The following RICTOR variants were observed in gnomAD, a reference collection of about 807,000 sequenced individuals.
The protein encoded by RICTOR is rapamycin-insensitive companion of mTOR.
A neutral mutation model predicts 214.9 loss-of-function variants in RICTOR; 49 were observed. That is an observed-to-expected ratio of 0.23 (90% confidence interval 0.18 to 0.29). The LOEUF (loss-of-function observed/expected upper bound fraction) is 0.29, where lower values mean the gene tolerates loss of function less well. RICTOR is among the 10% of genes least tolerant of loss of function. The pLI is 1.00. For synonymous variants in RICTOR, 717 were observed against 711.3 expected, an observed-to-expected ratio of 1.01 and a Z score of -0.13; for missense variants, 1,625 against 2,047.0, an observed-to-expected ratio of 0.79 and a Z score of 3.98.
intron 2 of RICTOR, among the ~76,000 whole-genome samples, chr5:39,060,808 A>G (rs1758492014): frequency 6.6e-6 from 1 of 152,008 alleles, no homozygotes. Context: ...TATCTTATAC[A>G]TGATGCTGTC....
At chr5:38,978,525 A>T in intron 9 of RICTOR, 58 bp downstream of exon 9, 2 of 772,244 alleles carry the variant, frequency 2.6e-6, no homozygotes, top group Non-Finnish European at 4.1e-6. Flanking sequence ...CAAACCTAAA[A>T]GCTTTAGTAT....
intron 2 of RICTOR, among the ~76,000 whole-genome samples, chr5:39,039,158 G>A (rs1389801455): frequency 2.6e-5 from 4 of 152,084 alleles, no homozygotes; most frequent in Non-Finnish European, 4.4e-5. Context: ...CAGAAATAAT[G>A]CCACATATCT....
chr5:38,953,591 A>G (rs771461811), intron 27 of RICTOR, 38 bp from the exon 28 acceptor site: 1 of 654,688 alleles, frequency 1.5e-6, no homozygotes. Flanking sequence ...GTAATAATAT[A>G]TTTATGTATT....
At chr5:39,049,057 G>T (rs1454030798) in intron 2 of RICTOR, among the ~76,000 whole-genome samples, 2 of 152,074 alleles carry the variant, frequency 1.3e-5, no homozygotes, top group Non-Finnish European at 2.9e-5. Flanking sequence ...ATGTACTCTT[G>T]CATGGTTAAG....
chr5:39,029,070 T>C lies in RICTOR; in HGVS notation c.98-7934A>G, dbSNP rs557695465. 2.4e-4 allele frequency among the ~76,000 whole-genome samples: 36 copies of C among 152,186 alleles called. No homozygotes were observed. The South Asian group carries it at 6.2e-3, about 26-fold the overall frequency. Reference sequence around the variant, plus strand: ...GTAATCTATGATGATAGAAATCAGATAGTGATTGCTGGAAGATAAAGTAAC... The same window carrying C: ...GTAATCTATGATGATAGAAATCAGACAGTGATTGCTGGAAGATAAAGTAAC... On this transcript the variant is annotated intron_variant, in intron 2 of 37. Coordinates refer to ENST00000357387, the MANE Select transcript of RICTOR (RefSeq NM_152756.5).
chr5:39,019,079 C>T (rs903320548), intron 3 of RICTOR, among the ~76,000 whole-genome samples: 10 of 152,066 alleles, frequency 6.6e-5, no homozygotes, highest in Admixed American at 6.6e-5. Flanking sequence ...AGCAAGACCC[C>T]AACTCTCTTA....
At chr5:39,036,011 C>T (rs377235831) in intron 2 of RICTOR, among the ~76,000 whole-genome samples, 1 of 152,142 alleles carries the variant, frequency 6.6e-6, no homozygotes, top group Admixed American at 6.6e-5. Flanking sequence ...AGACACGTAA[C>T]TGTCAGATTC....
chr5:39,036,582 C>T (rs997457103), intron 2 of RICTOR, among the ~76,000 whole-genome samples: 18 of 152,184 alleles, frequency 1.2e-4, no homozygotes, highest in African/African-American at 4.3e-4. Flanking sequence ...ATCTCACGTG[C>T]AGAGACACAC....
intron 6 of RICTOR, among the ~76,000 whole-genome samples, chr5:38,993,612 C>T (rs1752946159): frequency 6.6e-6 from 1 of 151,886 alleles, no homozygotes; most frequent in African/African-American, 2.4e-5. Flanking sequence ...AATGTTTTTC[C>T]TTATCCTTTA....
chr5:38,947,654 C>T (rs1168406849), intron 31 of RICTOR, among the ~76,000 whole-genome samples: 1 of 151,866 alleles, frequency 6.6e-6, no homozygotes, highest in East Asian at 1.9e-4. Context: ...TTGACTGTTA[C>T]CAAAAACAAC....
intron 3 of RICTOR, among the ~76,000 whole-genome samples, chr5:39,008,557 G>C (rs747306094): frequency 6.6e-6 from 1 of 152,014 alleles, no homozygotes; most frequent in Non-Finnish European, 1.5e-5. Flanking sequence ...TTGGGGGTTA[G>C]GGGAAGTAAA....
chr5:38,964,818 G>T lies in RICTOR; in HGVS notation c.1374C>A (p.Ser458=). 6.3e-7 allele frequency: 1 copy of T among 1,598,354 alleles called. No homozygotes were observed. The highest frequency in any genetic ancestry group is 1.1e-5 in the South Asian group (1 of 89,810). Reference sequence around the variant, plus strand: ...GTCTCTTTTCCTTGGGGATATCAAAGGATGCAGCCATATTCATTAGGGTTG... The same window carrying T: ...GTCTCTTTTCCTTGGGGATATCAAATGATGCAGCCATATTCATTAGGGTTG... ...CLPTLMNMAA[S]FDIPKEKRLR... is the part of the protein sequence containing the mutation. Residue 458 remains serine (S), a synonymous_variant, in exon 16 of 38, where the codon TCC becomes TCA. Coordinates refer to ENST00000357387, the MANE Select transcript of RICTOR (RefSeq NM_152756.5).
intron 27 of RICTOR, 35 bp downstream of exon 27, chr5:38,954,739 T>C: frequency 8.1e-7 from 1 of 1,228,082 alleles, no homozygotes; most frequent in Non-Finnish European, 1.2e-6. Flanking sequence ...TTTTTACTAT[T>C]GTAGCTACTT....
Position 38,959,197 on chromosome 5 carries a change from C to G in RICTOR, c.2176G>C (p.Asp726His). 5.7e-6 allele frequency: 9 copies of G among 1,587,708 alleles called. No homozygotes were observed. Among genetic ancestry groups the G allele is most frequent in the Non-Finnish European group, 7.7e-6 (9 of 1,167,570 alleles). The change falls in exon 22 of 38, where the codon GAT becomes CAT. Residue 726 changes from aspartate (D) to histidine (H), a missense_variant and splice_region_variant. By Grantham distance (81) the Asp-to-His change is moderately conservative. Transcript: ENST00000357387. ...ILSKILTAAT[D>H]ACRLYATKHL... ...TTTACTGGCTATGTTATACTCACAT[C>G]AGTAGCTGCAGTTAAAATTTTGGAA...
intron 3 of RICTOR, among the ~76,000 whole-genome samples, chr5:39,020,412 T>TAC (rs1755324783): frequency 6.6e-6 from 1 of 152,174 alleles, no homozygotes; most frequent in Non-Finnish European, 1.5e-5. Context: ...CAGCAACCAC[T>TAC]ACTCTGATAA....
chr5:38,965,455 A>G (rs746270867), intron 15 of RICTOR, among the ~76,000 whole-genome samples: 20 of 152,054 alleles, frequency 1.3e-4, no homozygotes, highest in Middle Eastern at 6.3e-3. Context: ...AGAAAATGTA[A>G]GAATAATAAG....
intron 11 of RICTOR, among the ~76,000 whole-genome samples, chr5:38,968,631 G>A (rs886695980): frequency 9.2e-5 from 14 of 151,742 alleles, no homozygotes; most frequent in Non-Finnish European, 8.8e-5. Context: ...CTAGCTACTC[G>A]GGAGGCTGGG....
At chr5:39,050,431 G>A (rs942274767) in intron 2 of RICTOR, among the ~76,000 whole-genome samples, 8 of 151,912 alleles carry the variant, frequency 5.3e-5, no homozygotes, top group African/African-American at 1.7e-4. Flanking sequence ...CCACCTCCTG[G>A]GTTCAAGCAA....
chr5:38,961,945 G>A (rs999753366), intron 19 of RICTOR, among the ~76,000 whole-genome samples: 5 of 151,910 alleles, frequency 3.3e-5, no homozygotes, highest in Admixed American at 2.0e-4. Context: ...CAGTTATAAT[G>A]GATAACTCCA....
Sources: allele counts gnomAD v4.1 joint callset (sites outside exome capture counted in the v4.1 genomes callset), GRCh38; gene constraint gnomAD v4.1.1; transcripts MANE v1.5; gene names NCBI Gene and HGNC (gene_info 2026-07-23, HGNC 2026-07-21).